LYN: variants seen among roughly 807,000 people sequenced by gnomAD.
LYN encodes LYN proto-oncogene, Src family tyrosine kinase.
A neutral mutation model predicts 65.0 loss-of-function variants in LYN; 12 were observed. The ratio of observed to expected loss-of-function variants is 0.18; its 90% CI spans 0.12 to 0.30. The LOEUF is 0.30. LYN is among the 10% of genes least tolerant of loss of function. The pLI, the probability that LYN is intolerant of heterozygous loss-of-function variation, is 1.00. For missense variants in LYN, 380 were observed against 623.2 expected (o/e 0.61, Z 4.16); for synonymous variants, 222 against 221.2 (o/e 1.00, Z -0.03).
intron 10 of LYN, among the ~76,000 whole-genome samples, chr8:55,994,217 T>G (rs2130575467): frequency 6.6e-6 from 1 of 152,318 alleles, no homozygotes; most frequent in East Asian, 1.9e-4. Context: ...TAATTTTATA[T>G]AAAGGGAGAG....
chr8:55,926,304 A>G (rs1409453492), intron 1 of LYN, among the ~76,000 whole-genome samples: 1 of 152,252 alleles, frequency 6.6e-6, no homozygotes, highest in Non-Finnish European at 1.5e-5. Context: ...TAATTGAGTT[A>G]CTGAATGGTT....
chr8:55,950,382 G>A, intron 4 of LYN, 77 bp from the exon 5 acceptor site: 1 of 896,300 alleles, frequency 1.1e-6, no homozygotes, highest in Non-Finnish European at 1.8e-6. Flanking sequence ...CATATTTATG[G>A]GATATCTGTG....
chr8:55,991,688 T>G (rs557676752), intron 10 of LYN, among the ~76,000 whole-genome samples: 2 of 152,220 alleles, frequency 1.3e-5, no homozygotes, highest in South Asian at 4.2e-4. Flanking sequence ...TGTCATCAGC[T>G]TCAGGCACAG....
chr8:55,949,750 T>C (rs975793302), intron 4 of LYN, among the ~76,000 whole-genome samples: 1 of 152,224 alleles, frequency 6.6e-6, no homozygotes, highest in African/African-American at 2.4e-5. Flanking sequence ...TCTCTCTCTC[T>C]CTTTTTAATA....
chr8:55,963,413 G>A (rs1167738369), intron 8 of LYN, among the ~76,000 whole-genome samples: 1 of 152,244 alleles, frequency 6.6e-6, no homozygotes, highest in Non-Finnish European at 1.5e-5. Context: ...AGCACAGGCA[G>A]TGGGTGGTTA....
intron 1 of LYN, among the ~76,000 whole-genome samples, chr8:55,890,117 C>A (rs1304915810): frequency 4.5e-3 from 353 of 78,946 alleles, no homozygotes; most frequent in Middle Eastern, 9.3e-3. Flanking sequence ...CCTCTATAGA[C>A]AAAAAAAAAA....
chr8:56,001,023 G>A lies in LYN; in HGVS notation c.1336+1474G>A, dbSNP rs117096036. ...GGTGAGAGTAGTGTGGAGCCTGCGT[G>A]GAGTGGCTTAGGGATTGGCGAGTAC... On this transcript the variant is annotated intron_variant, in intron 12 of 12. Transcript: ENST00000519728. Among the ~76,000 whole-genome samples the A allele has an allele frequency of 3.1e-4, 47 of 152,170 alleles. No homozygotes were observed. The East Asian group carries it at 9.1e-3, about 30-fold the overall frequency.
intron 1 of LYN, among the ~76,000 whole-genome samples, chr8:55,908,627 G>A (rs1208137573): frequency 6.6e-6 from 1 of 152,074 alleles, no homozygotes; most frequent in Non-Finnish European, 1.5e-5. Context: ...AGAGGTGCAA[G>A]TGCAGTTTTG....
rs779233456 is a variant in LYN at position 55,957,700 on chromosome 8, C to T, written c.790+3716C>T. On this transcript the variant is annotated intron_variant, in intron 8 of 12. Transcript: ENST00000519728. The stretch of plus-strand genomic sequence containing the variant: ...GCTCACACCTGTAATCCTGGCACTT[C>T]GGGAGGCCGAGGCAGGTAGATCACT... 7.2e-5 allele frequency among the ~76,000 whole-genome samples: 11 copies of T among 152,176 alleles called. No individual in the cohort carries two copies. In the South Asian group the frequency reaches 1.2e-3, roughly 17 times the overall value.
intron 1 of LYN, among the ~76,000 whole-genome samples, chr8:55,894,391 G>A (rs920601765): frequency 3.5e-4 from 51 of 146,712 alleles, no homozygotes; most frequent in African/African-American, 1.2e-3. Context: ...TTTTTTTTGA[G>A]ACAGTGGTCA....
At chr8:55,959,071 A>G (rs1807202192) in intron 8 of LYN, among the ~76,000 whole-genome samples, 1 of 152,108 alleles carries the variant, frequency 6.6e-6, no homozygotes, top group South Asian at 2.1e-4. Flanking sequence ...TTACATTCCC[A>G]TTGACCGTGT....
chr8:55,882,832 G>A (rs111743735), intron 1 of LYN, among the ~76,000 whole-genome samples: 46 of 152,210 alleles, frequency 3.0e-4, no homozygotes, highest in African/African-American at 1.1e-3. Context: ...TTGGTTAAGC[G>A]GTACCATTAG....
intron 1 of LYN, among the ~76,000 whole-genome samples, chr8:55,936,268 A>G (rs965798521): frequency 6.6e-6 from 1 of 152,166 alleles, no homozygotes; most frequent in East Asian, 1.9e-4. Flanking sequence ...ATGTCTTTCT[A>G]AGCTCTCTAA....
At chr8:55,886,546 C>A (rs1411298478) in intron 1 of LYN, among the ~76,000 whole-genome samples, 3 of 152,246 alleles carry the variant, frequency 2.0e-5, no homozygotes, top group African/African-American at 7.2e-5. Context: ...CGCGCCCAGC[C>A]TGTCAAACTT....
At chr8:55,911,974 A>G (rs1269679231) in intron 1 of LYN, among the ~76,000 whole-genome samples, 2 of 152,084 alleles carry the variant, frequency 1.3e-5, no homozygotes, top group African/African-American at 2.4e-5. Context: ...AGTGAGCTCA[A>G]TATCGTCGTG....
intron 1 of LYN, chr8:55,893,497 T>C (rs1215498156): frequency 6.6e-6 from 1 of 152,268 alleles, no homozygotes; most frequent in Non-Finnish European, 1.5e-5. Flanking sequence ...AGCACCTTTG[T>C]TACTGACTGT....
At chr8:55,940,391 T>A (rs890980628) in intron 1 of LYN, 12 of 152,190 alleles carry the variant, frequency 7.9e-5, no homozygotes, top group Admixed American at 1.3e-4. Flanking sequence ...TATTATTATT[T>A]TTTTGAGACG....
chr8:55,988,893 C>G (rs1390055204), intron 10 of LYN, among the ~76,000 whole-genome samples: 1 of 151,720 alleles, frequency 6.6e-6, no homozygotes, highest in African/African-American at 2.4e-5. Flanking sequence ...AAAAAAAAAC[C>G]CAAAAAACAA....
chr8:55,936,500 TGTG>T (rs1221621827), intron 1 of LYN, among the ~76,000 whole-genome samples: 1 of 152,018 alleles, frequency 6.6e-6, no homozygotes, highest in Non-Finnish European at 1.5e-5. Flanking sequence ...GTTAGCCAGG[TGTG>T]GTGGTGGGCA....
Sources: allele counts gnomAD v4.1 joint callset (sites outside exome capture counted in the v4.1 genomes callset), GRCh38; gene constraint gnomAD v4.1.1; transcripts MANE v1.5; gene names NCBI Gene and HGNC (gene_info 2026-07-23, HGNC 2026-07-21).